GRIK2: variants seen among roughly 807,000 people sequenced by gnomAD.
GRIK2 encodes the protein glutamate receptor ionotropic, kainate 2.
Under a neutral mutation model 100.3 loss-of-function variants are expected in GRIK2, and 32 were observed. That is an observed-to-expected ratio of 0.32 (90% CI 0.24 to 0.43). The LOEUF is 0.43. GRIK2 is among the 20% of genes least tolerant of loss of function. GRIK2 has a pLI of 1.00. For missense variants in GRIK2, 843 were observed against 1,114.9 expected (o/e 0.76, Z 3.47); for synonymous variants, 417 against 389.4 (o/e 1.07, Z -0.83).
chr6:101,590,140 T>C (rs1483108167), intron 2 of GRIK2, among the ~76,000 whole-genome samples: 1 of 152,094 alleles, frequency 6.6e-6, no homozygotes, highest in Non-Finnish European at 1.5e-5. Context: ...CTCAATTTGT[T>C]ATTGTTGTTT....
At chr6:101,434,309 C>T (rs1769594808) in intron 2 of GRIK2, among the ~76,000 whole-genome samples, 1 of 152,056 alleles carries the variant, frequency 6.6e-6, no homozygotes, top group African/African-American at 2.4e-5. Flanking sequence ...AGTGACGTGG[C>T]CTGAGAGATG....
intron 2 of GRIK2, among the ~76,000 whole-genome samples, chr6:101,609,904 G>T (rs9498646): frequency 2.6e-5 from 4 of 151,330 alleles, no homozygotes; most frequent in Admixed American, 6.6e-5. Context: ...AGAGAAGTAG[G>T]CTTCTTGAAG....
At position 101,847,355 on chromosome 6, in the gene GRIK2, G is replaced by A. The variant is rs1240154924; in HGVS notation, c.1318-11932G>A. ...TCACTTTTTTTTGGTTAAAAAATGG[G>A]CATTTTAAACAGTATAATATTGCAA... is the stretch of plus-strand genomic sequence containing the variant. On this transcript the variant is annotated intron_variant, in intron 10 of 16. Coordinates refer to ENST00000369134, the MANE Select transcript of GRIK2 (RefSeq NM_021956.5). 2.6e-5 allele frequency among the ~76,000 whole-genome samples: 4 copies of A among 151,922 alleles called. No homozygotes were observed. In the East Asian group the frequency reaches 5.8e-4, roughly 22 times the overall value.
rs1385432695 is a variant in GRIK2, at chr6:101,601,094, T to A, written c.116-20855T>A. ...AGATGGCTCTTATTATTTTGAAGTA[T>A]GTTCCTCTGATGCCTAGTTTGTTGA... On this transcript the variant is annotated intron_variant, in intron 2 of 16. Transcript: ENST00000369134. 2.0e-5 allele frequency among the ~76,000 whole-genome samples: 3 copies of A among 148,308 alleles called. No individual in the cohort carries two copies. In the East Asian group the frequency reaches 6.0e-4, roughly 30 times the overall value.
At chr6:101,891,806 C>T (rs1297250759) in intron 12 of GRIK2, among the ~76,000 whole-genome samples, 3 of 152,094 alleles carry the variant, frequency 2.0e-5, no homozygotes, top group African/African-American at 7.2e-5. Flanking sequence ...AAGTTCCTAA[C>T]ATTTTAGCTC....
At chr6:101,732,100 A>G (rs561375518) in intron 7 of GRIK2, among the ~76,000 whole-genome samples, 6 of 150,742 alleles carry the variant, frequency 4.0e-5, no homozygotes, top group Non-Finnish European at 8.9e-5. Flanking sequence ...GTTTATATGC[A>G]CACACACACA....
intron 10 of GRIK2, among the ~76,000 whole-genome samples, chr6:101,819,768 G>C (rs1583207951): frequency 6.6e-6 from 1 of 152,006 alleles, no homozygotes; most frequent in African/African-American, 2.4e-5. Flanking sequence ...TCTGCCTGTG[G>C]CTTTCCTCCT....
intron 7 of GRIK2, among the ~76,000 whole-genome samples, chr6:101,759,042 C>T (rs1305300475): frequency 6.6e-6 from 1 of 152,066 alleles, no homozygotes; most frequent in Admixed American, 6.5e-5. Flanking sequence ...CATTTAAAGT[C>T]CTCCCAAACT....
chr6:101,938,543 G>C (rs544882157), intron 14 of GRIK2, among the ~76,000 whole-genome samples: 2 of 152,072 alleles, frequency 1.3e-5, no homozygotes, highest in Non-Finnish European at 2.9e-5. Flanking sequence ...GAAACAACTT[G>C]AATCTTTGTT....
At chr6:101,435,321 C>T (rs1341761242) in intron 2 of GRIK2, among the ~76,000 whole-genome samples, 1 of 152,004 alleles carries the variant, frequency 6.6e-6, no homozygotes, top group Non-Finnish European at 1.5e-5. Flanking sequence ...AATCTCTGTC[C>T]TGCTTAAACC....
chr6:101,509,289 T>G (rs905458427), intron 2 of GRIK2, among the ~76,000 whole-genome samples: 1 of 152,104 alleles, frequency 6.6e-6, no homozygotes, highest in Non-Finnish European at 1.5e-5. Context: ...TCCAGGATAG[T>G]GCTAAGTAGG....
intron 4 of GRIK2, among the ~76,000 whole-genome samples, chr6:101,670,618 T>C (rs1171433705): frequency 6.6e-6 from 1 of 152,180 alleles, no homozygotes; most frequent in Non-Finnish European, 1.5e-5. Flanking sequence ...TCAAAACTTA[T>C]GAGCTAATAT....
chr6:101,578,832 A>T (rs2128301940), intron 2 of GRIK2, among the ~76,000 whole-genome samples: 1 of 152,318 alleles, frequency 6.6e-6, no homozygotes, highest in East Asian at 1.9e-4. Context: ...TTGAATATCT[A>T]CTATACATCC....
At chr6:102,048,185 T>C (rs1770996951) in intron 15 of GRIK2, among the ~76,000 whole-genome samples, 1 of 151,464 alleles carries the variant, frequency 6.6e-6, no homozygotes, top group African/African-American at 2.4e-5. Context: ...GGTCTTTTTC[T>C]CACAACACAT....
chr6:101,457,473 G>A lies in GRIK2; in HGVS notation c.115+58081G>A, dbSNP rs570782223. 5.9e-5 allele frequency among the ~76,000 whole-genome samples: 9 copies of A among 152,174 alleles called. No homozygotes were observed. The South Asian group carries it at 1.9e-3, about 32-fold the overall frequency. On this transcript the variant is annotated intron_variant, in intron 2 of 16. Coordinates refer to ENST00000369134, the MANE Select transcript of GRIK2 (RefSeq NM_021956.5). ...CAGCAATTTTTTTTCACATCCGTAT[G>A]TAATCTTTATTGGCCAAGATAGTCT...
intron 7 of GRIK2, among the ~76,000 whole-genome samples, chr6:101,778,448 T>C (rs1778881755): frequency 6.6e-6 from 1 of 152,200 alleles, no homozygotes; most frequent in Non-Finnish European, 1.5e-5. Flanking sequence ...AAAGCATTTG[T>C]AGCCCAGGCC....
Position 101,686,276 on chromosome 6 carries a change from A to C in GRIK2, c.874A>C (p.Ile292Leu). 2 of 1,613,348 alleles carry C rather than the reference A, an allele frequency of 1.2e-6. No individual in the cohort carries two copies. The highest frequency in any genetic ancestry group is 1.7e-6 in the Non-Finnish European group (2 of 1,179,366). ...TACAGAAAATACCCAAGTCTCCTCC[A>C]TCATTGAAAAGTGGTCGATGGAACG... ...LNTENTQVSS[I>L]IEKWSMERLQ... Residue 292 changes from isoleucine to leucine, a missense_variant, in exon 7 of 17, where the codon ATC (isoleucine) becomes CTC (leucine). Transcript: ENST00000369134.
At chr6:102,013,702 C>T (rs1339098178) in intron 14 of GRIK2, among the ~76,000 whole-genome samples, 3 of 151,916 alleles carry the variant, frequency 2.0e-5, no homozygotes, top group Non-Finnish European at 4.4e-5. Flanking sequence ...GTGGTTTTGT[C>T]TTTAGTTATT....
intron 2 of GRIK2, among the ~76,000 whole-genome samples, chr6:101,414,783 G>C (rs1379773469): frequency 5.9e-5 from 9 of 152,146 alleles, no homozygotes; most frequent in Admixed American, 2.0e-4. Context: ...AGAAGGCTGG[G>C]AATTGAGTTC....
Sources: allele counts gnomAD v4.1 joint callset (sites outside exome capture counted in the v4.1 genomes callset), GRCh38; gene constraint gnomAD v4.1.1; transcripts MANE v1.5; gene names NCBI Gene and HGNC (gene_info 2026-07-23, HGNC 2026-07-21).